CLDN11: variants seen among roughly 807,000 people sequenced by gnomAD.
CLDN11 encodes claudin 11.
CLDN11 carries 1 observed loss-of-function variant against 18.0 expected under a neutral mutation model. The ratio of observed to expected loss-of-function variants is 0.06; its 90% CI spans 0.02 to 0.26. CLDN11 has a LOEUF of 0.26. Ranked by LOEUF, CLDN11 falls within the 10% of genes least tolerant of loss-of-function variation. The probability of loss-of-function intolerance (pLI) is 1.00; values close to 1 mark genes in which losing one functional copy is unlikely to be tolerated. For missense variants in CLDN11, 172 were observed against 276.6 expected (o/e 0.62, Z 2.68); for synonymous variants, 116 against 121.5 (o/e 0.96, Z 0.30).
intron 2 of CLDN11, chr3:170,423,641 T>G (rs1738773657): frequency 3.1e-6 from 1 of 322,598 alleles, no homozygotes; most frequent in African/African-American, 2.1e-5. Flanking sequence ...GAATCCTTTT[T>G]GAACACCTAT....
rs1043553023 is a variant in CLDN11, at chr3:170,432,956, C to A, written c.*200C>A. The A allele has an allele frequency of 3.4e-6, 2 of 582,126 alleles. No homozygotes were observed. The highest frequency in any genetic ancestry group is 6.1e-6 in the Non-Finnish European group (2 of 327,422). 36.1% of individuals were successfully genotyped at this position (582,126 alleles called of 1,614,324 possible). A position where few individuals can be genotyped will look rare whatever the true frequency, so the allele number is the denominator to read the frequency against. ...TGGTTGCCTTAAAAGAAATCTCTAG[C>A]TCAGATAATGCCCAGACATTTTTTT... On this transcript the variant is annotated 3_prime_UTR_variant, in exon 3 of 3. Coordinates refer to ENST00000064724, the MANE Select transcript of CLDN11 (RefSeq NM_005602.6).
At position 170,432,848 on chromosome 3, in the gene CLDN11, G is replaced by A; in HGVS notation, c.*92G>A. 1 of 1,260,340 alleles carries A rather than the reference G, an allele frequency of 7.9e-7. No individual in the cohort carries two copies. The highest frequency in any genetic ancestry group is 1.1e-6 in the Non-Finnish European group (1 of 871,628). The allele number at this position is 1,260,340 out of a possible 1,614,324, so 78.1% of individuals were successfully genotyped here. A position where few individuals can be genotyped will look rare whatever the true frequency, so the allele number is the denominator to read the frequency against. The stretch of plus-strand genomic sequence containing the variant: ...ACAGTGTGGGGAAGCCCATTCCTCT[G>A]CCAGGCTCTAAAGCCAAAGGTCTAG... On this transcript the variant is annotated 3_prime_UTR_variant, in exon 3 of 3. Coordinates refer to ENST00000064724, the MANE Select transcript of CLDN11 (RefSeq NM_005602.6).
chr3:170,429,756 T>C (rs1472252758), intron 2 of CLDN11, among the ~76,000 whole-genome samples: 1 of 152,222 alleles, frequency 6.6e-6, no homozygotes, highest in African/African-American at 2.4e-5. Flanking sequence ...ATGAAATGAA[T>C]TTAGAGGCAG....
chr3:170,432,424 G>A (rs114088900), intron 2 of CLDN11, 100 bp from the exon 3 acceptor site: 40,813 of 1,552,414 alleles, frequency 0.026, 617 homozygotes, highest in Non-Finnish European at 0.031. Context: ...TTTGGAGCTG[G>A]TTGGAAGCCA....
chr3:170,423,441 C>A, intron 2 of CLDN11, 114 bp downstream of exon 2: 2 of 1,159,932 alleles, frequency 1.7e-6, no homozygotes, highest in Admixed American at 2.1e-5. Context: ...CCAAGTGAAG[C>A]CAGTGGGGGA....
intron 2 of CLDN11, among the ~76,000 whole-genome samples, chr3:170,431,662 A>G (rs1217889777): frequency 1.3e-5 from 2 of 152,234 alleles, no homozygotes; most frequent in Non-Finnish European, 2.9e-5. Context: ...CTTTGCTTAT[A>G]AAGAGGTGAA....
chr3:170,426,803 A>T (rs964527040), intron 2 of CLDN11, among the ~76,000 whole-genome samples: 1 of 152,008 alleles, frequency 6.6e-6, no homozygotes, highest in Admixed American at 6.6e-5. Flanking sequence ...ATTTTTTGAG[A>T]CGGACCTTTG....
At chr3:170,423,401 T>A in intron 2 of CLDN11, 74 bp downstream of exon 2, 2 of 1,533,946 alleles carry the variant, frequency 1.3e-6, no homozygotes, top group Non-Finnish European at 1.8e-6. Context: ...GTTGCTGCCT[T>A]CTCAAGTTCA....
At chr3:170,432,445 TA>T in intron 2 of CLDN11, 78 bp from the exon 3 acceptor site, 3 of 1,592,792 alleles carry the variant, frequency 1.9e-6, no homozygotes, top group Non-Finnish European at 2.6e-6. Context: ...CAAGTGTGTG[TA>T]TGTGGAGTGA....
chr3:170,429,374 G>A (rs1369858804), intron 2 of CLDN11, among the ~76,000 whole-genome samples: 1 of 152,162 alleles, frequency 6.6e-6, no homozygotes, highest in Non-Finnish European at 1.5e-5. Context: ...TGAATTGTAA[G>A]AGAAGGAAAT....
chr3:170,420,708 C>T (rs1417629723), intron 1 of CLDN11, among the ~76,000 whole-genome samples: 1 of 152,132 alleles, frequency 6.6e-6, no homozygotes, highest in Non-Finnish European at 1.5e-5. Context: ...GCTATCCTTT[C>T]CTTCATTTTG....
intron 2 of CLDN11, among the ~76,000 whole-genome samples, chr3:170,427,128 C>T (rs1162013110): frequency 6.6e-6 from 1 of 152,174 alleles, no homozygotes; most frequent in African/African-American, 2.4e-5. Context: ...ACCCAACCTC[C>T]TCAACAGTGA....
chr3:170,426,617 T>C (rs749274775), intron 2 of CLDN11, among the ~76,000 whole-genome samples: 11 of 152,178 alleles, frequency 7.2e-5, no homozygotes, highest in Admixed American at 3.3e-4. Flanking sequence ...GCTTCTCAGG[T>C]TAGTAAAAAC....
intron 2 of CLDN11, 67 bp downstream of exon 2, chr3:170,423,394 G>T (rs1177955780): frequency 7.7e-6 from 12 of 1,556,600 alleles, no homozygotes; most frequent in Non-Finnish European, 1.1e-5. Flanking sequence ...TCTTGTGGTT[G>T]CTGCCTTCTC....
At chr3:170,422,242 T>C (rs1423094659) in intron 1 of CLDN11, among the ~76,000 whole-genome samples, 1 of 139,400 alleles carries the variant, frequency 7.2e-6, no homozygotes, top group Non-Finnish European at 1.6e-5. Flanking sequence ...CTAGGACACC[T>C]GAAGATGAAA....
chr3:170,427,654 C>G (rs1328804092), intron 2 of CLDN11, among the ~76,000 whole-genome samples: 3 of 151,280 alleles, frequency 2.0e-5, no homozygotes, highest in African/African-American at 4.9e-5. Flanking sequence ...CCAACCAAAA[C>G]TACAAAAATT....
intron 1 of CLDN11, among the ~76,000 whole-genome samples, chr3:170,420,018 C>T (rs1201049329): frequency 2.0e-5 from 3 of 152,228 alleles, no homozygotes; most frequent in African/African-American, 7.2e-5. Flanking sequence ...TAGGGACGAG[C>T]GGGCGCTCCT....
intron 2 of CLDN11, 48 bp from the exon 3 acceptor site, chr3:170,432,476 T>C: frequency 6.2e-7 from 1 of 1,606,674 alleles, no homozygotes. Context: ...CCCAAGTGCT[T>C]GGTGTGTGAT....
chr3:170,423,394 G>A, intron 2 of CLDN11, 67 bp downstream of exon 2: 1 of 1,556,718 alleles, frequency 6.4e-7, no homozygotes, highest in Non-Finnish European at 8.8e-7. Flanking sequence ...TCTTGTGGTT[G>A]CTGCCTTCTC....
Sources: gnomAD v4.1 joint callset for allele counts (sites outside exome capture counted in the v4.1 genomes callset) on GRCh38, gnomAD v4.1.1 for gene constraint, MANE v1.5 for transcripts, NCBI Gene and HGNC (gene_info 2026-07-23, HGNC 2026-07-21) for gene names.